Variants in EPB41L2 observed in about 807,000 individuals in gnomAD.
EPB41L2 encodes the protein erythrocyte membrane protein band 4.1 like 2, also known as band 4.1-like protein 2.
EPB41L2 carries 43 observed loss-of-function variants against 113.0 expected under a neutral mutation model. The observed-to-expected ratio is 0.38, with a 90% CI of 0.30 to 0.49. The LOEUF (loss-of-function observed/expected upper bound fraction) is 0.49. EPB41L2 is among the 20% of genes least tolerant of loss of function. EPB41L2 has a pLI of 0.95. For synonymous variants in EPB41L2, 442 were observed against 436.7 expected (o/e 1.01, Z -0.15); for missense variants, 1,147 against 1,223.4 (o/e 0.94, Z 0.93).
chr6:131,060,174 T>C (rs1798385248), intron 1 of EPB41L2, among the ~76,000 whole-genome samples: 1 of 152,264 alleles, frequency 6.6e-6, no homozygotes, highest in Admixed American at 6.5e-5. Context: ...TTTTGTATTT[T>C]TAGTAGAGAC....
intron 1 of EPB41L2, among the ~76,000 whole-genome samples, chr6:130,984,464 G>A (rs1489551264): frequency 6.6e-6 from 1 of 152,156 alleles, no homozygotes; most frequent in African/African-American, 2.4e-5. Flanking sequence ...GTAATGCATT[G>A]TGCTATGACA....
rs774039881 is a variant in EPB41L2, at chr6:130,894,400, G to A, written c.1431C>T (p.Asn477=). The A allele has an allele frequency of 6.2e-7, 1 of 1,613,902 alleles. No individual in the cohort carries two copies. Among genetic ancestry groups the A allele is most frequent in the South Asian group, 1.1e-5 (1 of 91,072 alleles). ...TCCATAGTCTTTTCGCTGCCCGGTG[G>A]TTTGGCAGTTTGAATCCAATGGTAC... is the stretch of plus-strand genomic sequence containing the variant. The part of the protein sequence containing the change: ...FESTIGFKLP[N]HRAAKRLWKV... Residue 477 remains asparagine, a synonymous_variant, in exon 10 of 20, where the codon AAC becomes AAT. Coordinates refer to ENST00000337057, the MANE Select transcript of EPB41L2 (RefSeq NM_001431.4).
intron 1 of EPB41L2, among the ~76,000 whole-genome samples, chr6:131,032,997 T>TCC (rs1792525323): frequency 6.6e-6 from 1 of 152,142 alleles, no homozygotes; most frequent in African/African-American, 2.4e-5. Context: ...TGCCTCAGCC[T>TCC]CCCGAGTAGC....
At chr6:130,853,312 G>T (rs1779289155) in intron 19 of EPB41L2, among the ~76,000 whole-genome samples, 1 of 152,140 alleles carries the variant, frequency 6.6e-6, no homozygotes, top group African/African-American at 2.4e-5. Flanking sequence ...TGAAGTCTGG[G>T]TTGGGAGAGC....
At chr6:130,901,241 C>A in intron 6 of EPB41L2, 61 bp from the exon 7 acceptor site, 1 of 1,474,180 alleles carries the variant, frequency 6.8e-7, no homozygotes, top group South Asian at 1.2e-5. Flanking sequence ...TTGGAGCACT[C>A]ACAGTCCTTA....
chr6:130,975,342 G>A (rs1246369612), intron 1 of EPB41L2, among the ~76,000 whole-genome samples: 1 of 151,906 alleles, frequency 6.6e-6, no homozygotes, highest in African/African-American at 2.4e-5. Context: ...GGTTAGGAGG[G>A]GAACACTTTC....
chr6:130,947,346 C>T (rs1813283576), intron 3 of EPB41L2, among the ~76,000 whole-genome samples: 1 of 151,934 alleles, frequency 6.6e-6, no homozygotes, highest in Non-Finnish European at 1.5e-5. Flanking sequence ...CTTCAGTGGG[C>T]ATGTTATATC....
At chr6:130,881,403 C>T (rs1247360753) in intron 12 of EPB41L2, 1 of 152,126 alleles carries the variant, frequency 6.6e-6, no homozygotes, top group African/African-American at 2.4e-5. Flanking sequence ...GAAACATCTT[C>T]CAACTCCTTG....
chr6:130,890,616 A>G, intron 10 of EPB41L2, 150 bp from the exon 11 acceptor site: 1 of 911,260 alleles, frequency 1.1e-6, no homozygotes. Context: ...AAAGAACATT[A>G]TTTATAAACC....
chr6:130,957,820 G>A (rs765023309), intron 1 of EPB41L2, among the ~76,000 whole-genome samples: 15 of 152,132 alleles, frequency 9.9e-5, no homozygotes, highest in Admixed American at 2.6e-4. Context: ...TAATTCTAGA[G>A]CATTTTCATC....
At chr6:130,929,898 T>C (rs9372984) in intron 3 of EPB41L2, among the ~76,000 whole-genome samples, 44,232 of 106,538 alleles carry the variant, frequency 0.42, 7,499 homozygotes, top group Non-Finnish European at 0.47. Context: ...CACACACACA[T>C]ACACGCACAG....
intron 1 of EPB41L2, among the ~76,000 whole-genome samples, chr6:131,023,540 G>A (rs1041283411): frequency 2.0e-5 from 3 of 151,860 alleles, no homozygotes; most frequent in African/African-American, 4.8e-5. Flanking sequence ...AAAATTAGCC[G>A]GGCATGGTGG....
chr6:130,978,869 G>C (rs990847282), intron 1 of EPB41L2: 1 of 152,206 alleles, frequency 6.6e-6, no homozygotes, highest in African/African-American at 2.4e-5. Flanking sequence ...CACTTGACCT[G>C]ACCTTGAAGG....
rs145209176 is a variant in EPB41L2, at chr6:130,878,205, T to C, written c.1942A>G (p.Ile648Val). 246 of 1,613,400 alleles carry C rather than the reference T, an allele frequency of 1.5e-4. No individual in the cohort carries two copies. Among genetic ancestry groups the C allele is most frequent in the Non-Finnish European group, 2.0e-4 (231 of 1,179,816 alleles). ...ATAAAATTGCGCTTGAGTTCACTAA[T>C]GCTAGCCTGATGTTTCAGTATGTCC... ...QEDILKHQAS[I>V]SELKRNFMES... Residue 648 changes from isoleucine to valine, a missense_variant, in exon 14 of 20, where the codon ATT becomes GTT. Physicochemically the swap from Ile to Val is conservative, Grantham distance 29. Coordinates refer to ENST00000337057, the MANE Select transcript of EPB41L2 (RefSeq NM_001431.4).
rs755745488 is a variant in EPB41L2 at position 130,883,897 on chromosome 6, G to A, written c.1833+1199C>T. Among the ~76,000 whole-genome samples, 53 of 152,180 alleles carry A rather than the reference G, an allele frequency of 3.5e-4. 1 individual carries two copies. Among genetic ancestry groups the A allele is most frequent in the Non-Finnish European group, 7.1e-4 (48 of 68,034 alleles). ...ACTTGACCTTGTGGCACAAGACTGG[G>A]CCCATGTGGTGGTCCCTGAGACCTT... On this transcript the variant is annotated intron_variant, in intron 12 of 19. Coordinates refer to ENST00000337057, the MANE Select transcript of EPB41L2 (RefSeq NM_001431.4).
chr6:131,034,943 C>T (rs1367122719), intron 1 of EPB41L2, among the ~76,000 whole-genome samples: 17 of 152,138 alleles, frequency 1.1e-4, no homozygotes, highest in Admixed American at 1.1e-3. Flanking sequence ...TCCTAACACG[C>T]AGAAGAAGGG....
intron 1 of EPB41L2, among the ~76,000 whole-genome samples, chr6:131,034,667 G>A (rs2128175123): frequency 6.6e-6 from 1 of 152,284 alleles, no homozygotes; most frequent in East Asian, 1.9e-4. Flanking sequence ...AGTTTGGCTT[G>A]AACATGTCAC....
At chr6:130,858,065 C>A (rs1241764205) in intron 19 of EPB41L2, 66 bp downstream of exon 19, 2 of 1,240,134 alleles carry the variant, frequency 1.6e-6, no homozygotes, top group Non-Finnish European at 2.4e-6. Flanking sequence ...CATTTCACAT[C>A]CTTTCACAAG....
At chr6:130,899,275 A>C (rs1795597572) in intron 8 of EPB41L2, among the ~76,000 whole-genome samples, 1 of 152,172 alleles carries the variant, frequency 6.6e-6, no homozygotes, top group Non-Finnish European at 1.5e-5. Flanking sequence ...GCATTAATTA[A>C]AAAGACTGGG....
Sources: gnomAD v4.1 joint callset for allele counts (sites outside exome capture counted in the v4.1 genomes callset) on GRCh38, gnomAD v4.1.1 for gene constraint, MANE v1.5 for transcripts, NCBI Gene and HGNC (gene_info 2026-07-23, HGNC 2026-07-21) for gene names.